The following GUCA1C variants were observed in gnomAD, a reference collection of about 807,000 sequenced individuals.
GUCA1C encodes guanylyl cyclase-activating protein 3.
Under a neutral mutation model 16.2 loss-of-function variants are expected in GUCA1C, and 15 were observed. That is an observed-to-expected ratio of 0.93 (90% CI 0.62 to 1.43). The LOEUF (loss-of-function observed/expected upper bound fraction) is 1.43. Among genes scored for constraint, GUCA1C ranks in the 40% most tolerant of loss-of-function variants. The probability of loss-of-function intolerance (pLI) is 0.00; values close to 1 mark genes in which losing one functional copy is unlikely to be tolerated. For missense variants in GUCA1C, 275 were observed against 244.8 expected, an observed-to-expected ratio of 1.12 and a Z score of -0.82; for synonymous variants, 78 against 85.4, an observed-to-expected ratio of 0.91 and a Z score of 0.48.
At chr3:108,917,336 T>G (rs1946528085) in intron 2 of GUCA1C, among the ~76,000 whole-genome samples, 1 of 152,184 alleles carries the variant, frequency 6.6e-6, no homozygotes, top group South Asian at 2.1e-4. Context: ...TCACCAATCT[T>G]CAGGTCATAT....
In GUCA1C at chr3:108,953,539, T is replaced by C. The variant is rs1036112123; in HGVS notation, c.204+20A>G. On this transcript the variant is annotated intron_variant, in intron 1 of 3. Coordinates refer to ENST00000261047, the MANE Select transcript of GUCA1C (RefSeq NM_005459.4). ...AGAACCACAGCATTTTCAAATGAAA[T>C]GAAAAATGAAAGATCTTACCTTGTT... The C allele has an allele frequency of 1.3e-6, 2 of 1,492,270 alleles. No individual in the cohort carries two copies. Among genetic ancestry groups the C allele is most frequent in the Non-Finnish European group, 1.9e-6 (2 of 1,071,014 alleles). 92.4% of individuals were successfully genotyped at this position (1,492,270 alleles called of 1,614,324 possible).
At position 108,953,720 on chromosome 3, in the gene GUCA1C, G is replaced by T. The variant is rs757279073; in HGVS notation, c.43C>A (p.Pro15Thr). ...TACCACACATGGGTCTCTTGTGTAGGAACTGCTTTCTGATCACCAGCTATA... is the reference window on the plus strand; with the variant it reads ...TACCACACATGGGTCTCTTGTGTAGTAACTGCTTTCTGATCACCAGCTATA... ...KSIAGDQKAV[P>T]TQETHVWYRT... The change falls in exon 1 of 4, where the codon CCT becomes ACT. Residue 15 changes from proline (P) to threonine (T), a missense_variant. Transcript: ENST00000261047. 2.2e-5 allele frequency: 36 copies of T among 1,612,952 alleles called. 1 individual carries two copies. The highest frequency in any genetic ancestry group is 5.5e-5 in the South Asian group (5 of 91,068).
chr3:108,953,888 T>C, upstream of GUCA1C: 1 of 646,642 alleles, frequency 1.5e-6, no homozygotes, highest in South Asian at 1.9e-5. Flanking sequence ...CTAAACCTCT[T>C]ACAGCAACAA....
intron 1 of GUCA1C, among the ~76,000 whole-genome samples, chr3:108,943,702 C>A (rs1946814293): frequency 6.6e-6 from 1 of 152,102 alleles, no homozygotes; most frequent in Non-Finnish European, 1.5e-5. Context: ...TCTTGAATGC[C>A]TGAGTATGGA....
chr3:108,937,880 G>A (rs1361691125), intron 1 of GUCA1C, among the ~76,000 whole-genome samples: 1 of 152,166 alleles, frequency 6.6e-6, no homozygotes, highest in Admixed American at 6.5e-5. Flanking sequence ...AGACCAGCCT[G>A]ACAAAGATGG....
chr3:108,954,542 A>G (rs1265373063), upstream of GUCA1C, among the ~76,000 whole-genome samples: 2 of 152,074 alleles, frequency 1.3e-5, no homozygotes, highest in Non-Finnish European at 2.9e-5. Flanking sequence ...TAATCTGGCT[A>G]ATCTTGTCCT....
intron 3 of GUCA1C, among the ~76,000 whole-genome samples, chr3:108,911,976 G>GCGA (rs1946460038): frequency 6.6e-6 from 1 of 151,430 alleles, no homozygotes; most frequent in South Asian, 2.1e-4. Flanking sequence ...CGTAGTGGTG[G>GCGA]GTGACTGTAA....
upstream of GUCA1C, among the ~76,000 whole-genome samples, chr3:108,954,615 A>G (rs1043955261): frequency 1.3e-5 from 2 of 152,198 alleles, no homozygotes; most frequent in Non-Finnish European, 2.9e-5. Flanking sequence ...ACTGTATCCA[A>G]GGTCCAGTAG....
intron 1 of GUCA1C, among the ~76,000 whole-genome samples, chr3:108,931,701 T>C (rs967692322): frequency 6.6e-6 from 1 of 152,016 alleles, no homozygotes; most frequent in Non-Finnish European, 1.5e-5. Context: ...GGAAAAAAAT[T>C]ATTGTTTTCA....
At chr3:108,936,427 A>C (rs1559846290) in intron 1 of GUCA1C, among the ~76,000 whole-genome samples, 2 of 152,222 alleles carry the variant, frequency 1.3e-5, no homozygotes, top group African/African-American at 4.8e-5. Flanking sequence ...GCAATTTTGT[A>C]GGTCATCTTA....
chr3:108,948,819 G>A (rs1187297331), intron 1 of GUCA1C, among the ~76,000 whole-genome samples: 2 of 150,520 alleles, frequency 1.3e-5, no homozygotes, highest in African/African-American at 2.4e-5. Context: ...GCTGGGCCTT[G>A]TGAAACTTGT....
intron 1 of GUCA1C, among the ~76,000 whole-genome samples, chr3:108,949,146 C>G (rs1408428146): frequency 6.6e-6 from 1 of 152,070 alleles, no homozygotes; most frequent in Non-Finnish European, 1.5e-5. Flanking sequence ...CTGCAGTGGC[C>G]AATTTTTCTG....
intron 3 of GUCA1C, among the ~76,000 whole-genome samples, chr3:108,909,067 G>A (rs1946421255): frequency 6.6e-6 from 1 of 152,174 alleles, no homozygotes; most frequent in South Asian, 2.1e-4. Flanking sequence ...GAAGTCAACA[G>A]GGACTGAAGT....
At chr3:108,933,643 C>A (rs1162552644) in intron 1 of GUCA1C, among the ~76,000 whole-genome samples, 4 of 152,136 alleles carry the variant, frequency 2.6e-5, no homozygotes, top group African/African-American at 9.7e-5. Flanking sequence ...TCATCTCATA[C>A]CAGTCAGAAT....
chr3:108,926,702 G>A (rs942843150), intron 1 of GUCA1C, among the ~76,000 whole-genome samples: 6 of 151,134 alleles, frequency 4.0e-5, no homozygotes, highest in African/African-American at 7.3e-5. Flanking sequence ...GGATGGTCTC[G>A]ATCTCCTGAC....
At chr3:108,952,094 C>A (rs956954001) in intron 1 of GUCA1C, among the ~76,000 whole-genome samples, 1 of 152,134 alleles carries the variant, frequency 6.6e-6, no homozygotes, top group Non-Finnish European at 1.5e-5. Context: ...GTACTTAGAG[C>A]CTAAGAAGCT....
chr3:108,920,060 C>A (rs76378838), intron 2 of GUCA1C, among the ~76,000 whole-genome samples: 1 of 152,136 alleles, frequency 6.6e-6, no homozygotes, highest in Non-Finnish European at 1.5e-5. Flanking sequence ...TCCTCACATA[C>A]CTTCATTCTT....
chr3:108,923,921 G>C lies in GUCA1C; in HGVS notation c.205-3336C>G, dbSNP rs562232995. On this transcript the variant is annotated intron_variant, in intron 1 of 3. Coordinates refer to ENST00000261047, the MANE Select transcript of GUCA1C (RefSeq NM_005459.4). ...TAACTTTTTGCAGCTATTGTGAAAGGGGTTGAGTTCTTAACTTGATTCTCA... is the reference window on the plus strand; with the variant it reads ...TAACTTTTTGCAGCTATTGTGAAAGCGGTTGAGTTCTTAACTTGATTCTCA... 3.1e-4 allele frequency among the ~76,000 whole-genome samples: 47 copies of C among 152,116 alleles called. 1 individual carries two copies. Among genetic ancestry groups the C allele is most frequent in the Admixed American group, 9.8e-4 (15 of 15,278 alleles).
chr3:108,926,817 A>T (rs567465122), intron 1 of GUCA1C, among the ~76,000 whole-genome samples: 2 of 149,500 alleles, frequency 1.3e-5, no homozygotes, highest in African/African-American at 4.9e-5. Flanking sequence ...TTATTGTTAT[A>T]TAGGTCCTGT....
Sources: gnomAD v4.1 joint callset for allele counts (sites outside exome capture counted in the v4.1 genomes callset) on GRCh38, gnomAD v4.1.1 for gene constraint, MANE v1.5 for transcripts, NCBI Gene and HGNC (gene_info 2026-07-23, HGNC 2026-07-21) for gene names.